UBE2E2: variants seen among roughly 807,000 people sequenced by gnomAD.
UBE2E2 encodes the protein ubiquitin-conjugating enzyme E2 E2.
UBE2E2 carries 6 observed loss-of-function variants against 24.7 expected under a neutral mutation model. The ratio of observed to expected loss-of-function variants is 0.24; its 90% CI spans 0.13 to 0.48. UBE2E2 has a LOEUF of 0.48. Among genes scored for constraint, UBE2E2 ranks in the 20% least tolerant of loss-of-function variants. UBE2E2 has a pLI of 0.99. For synonymous variants in UBE2E2, 104 were observed against 83.6 expected, an observed-to-expected ratio of 1.24 and a Z score of -1.33; for missense variants, 169 against 245.0, an observed-to-expected ratio of 0.69 and a Z score of 2.07.
chr3:23,376,040 A>G (rs1250150368), intron 3 of UBE2E2, among the ~76,000 whole-genome samples: 1 of 152,232 alleles, frequency 6.6e-6, no homozygotes, highest in African/African-American at 2.4e-5. Flanking sequence ...TAATCCAAAC[A>G]ATTTTAAAGT....
chr3:23,455,443 C>T (rs1484276534), intron 3 of UBE2E2, among the ~76,000 whole-genome samples: 1 of 152,286 alleles, frequency 6.6e-6, no homozygotes, highest in East Asian at 1.9e-4. Flanking sequence ...TTGGGCTAAG[C>T]ACAGTGGCTC....
chr3:23,487,375 A>T (rs1699396327), intron 3 of UBE2E2, among the ~76,000 whole-genome samples: 1 of 152,152 alleles, frequency 6.6e-6, no homozygotes, highest in Non-Finnish European at 1.5e-5. Flanking sequence ...TGCGCCTAGA[A>T]GTGCAGGCTC....
chr3:23,286,751 T>G (rs4327332), intron 3 of UBE2E2, among the ~76,000 whole-genome samples: 23,126 of 152,088 alleles, frequency 0.15, 1,927 homozygotes, highest in South Asian at 0.25. Flanking sequence ...AGTATGGACG[T>G]TTTAACAGTA....
intron 5 of UBE2E2, among the ~76,000 whole-genome samples, chr3:23,554,319 T>C (rs1365492334): frequency 1.3e-5 from 2 of 152,076 alleles, no homozygotes; most frequent in African/African-American, 4.8e-5. Context: ...TCTCTTCAAA[T>C]AAATGATTCC....
At chr3:23,548,656 TTTCTC>T (rs751332931) in intron 5 of UBE2E2, among the ~76,000 whole-genome samples, 2 of 152,202 alleles carry the variant, frequency 1.3e-5, no homozygotes, top group South Asian at 2.1e-4. Flanking sequence ...TCTGCTGCTG[TTTCTC>T]TTCTCTTTTC....
chr3:23,451,152 C>T (rs1487156481), intron 3 of UBE2E2, among the ~76,000 whole-genome samples: 3 of 152,182 alleles, frequency 2.0e-5, no homozygotes, highest in East Asian at 1.9e-4. Flanking sequence ...GTATTGGAGG[C>T]TGAGGTGGGA....
chr3:23,449,895 C>G, intron 3 of UBE2E2: 4 of 985,440 alleles, frequency 4.1e-6, no homozygotes, highest in Non-Finnish European at 4.8e-6. Flanking sequence ...CCCACCAGTG[C>G]GGAGGCCCCA....
intron 2 of UBE2E2, among the ~76,000 whole-genome samples, chr3:23,213,286 C>A (rs543585272): frequency 6.6e-6 from 1 of 152,134 alleles, no homozygotes; most frequent in South Asian, 2.1e-4. Flanking sequence ...TTTTTCTGAA[C>A]CCTTAGCCCA....
chr3:23,497,844 G>A (rs1699637657), intron 3 of UBE2E2, among the ~76,000 whole-genome samples: 1 of 152,080 alleles, frequency 6.6e-6, no homozygotes, highest in African/African-American at 2.4e-5. Context: ...GGGGTCAACT[G>A]TATATTCAAC....
At chr3:23,352,763 G>A (rs1575580316) in intron 3 of UBE2E2, among the ~76,000 whole-genome samples, 1 of 152,094 alleles carries the variant, frequency 6.6e-6, no homozygotes, top group Non-Finnish European at 1.5e-5. Context: ...ACCAAAAAGA[G>A]TCCAGGACCA....
At chr3:23,214,995 A>G (rs1378870119) in intron 2 of UBE2E2, among the ~76,000 whole-genome samples, 2 of 152,112 alleles carry the variant, frequency 1.3e-5, no homozygotes, top group Non-Finnish European at 2.9e-5. Flanking sequence ...ATGAGGATTT[A>G]GTTTGCTTAC....
intron 3 of UBE2E2, among the ~76,000 whole-genome samples, chr3:23,226,750 C>A (rs1222708829): frequency 1.9e-4 from 29 of 151,916 alleles, no homozygotes; most frequent in East Asian, 1.9e-4. Flanking sequence ...TTAGGACTTT[C>A]TAGGAAGGGT....
chr3:23,350,647 C>T (rs4858510), intron 3 of UBE2E2, among the ~76,000 whole-genome samples: 82,849 of 151,722 alleles, frequency 0.55, 22,821 homozygotes, highest in Admixed American at 0.66. Flanking sequence ...TGATGGAAGA[C>T]GAAATGAATG....
intron 3 of UBE2E2, among the ~76,000 whole-genome samples, chr3:23,330,655 C>A (rs900304018): frequency 1.3e-5 from 2 of 152,138 alleles, no homozygotes; most frequent in African/African-American, 4.8e-5. Flanking sequence ...TGTCCAGCAG[C>A]TTTATGCATC....
At chr3:23,357,551 TG>T (rs1559360348) in intron 3 of UBE2E2, among the ~76,000 whole-genome samples, 2 of 152,200 alleles carry the variant, frequency 1.3e-5, no homozygotes, top group African/African-American at 4.8e-5. Context: ...TAAAATGGTA[TG>T]TGGAATTATG....
intron 3 of UBE2E2, among the ~76,000 whole-genome samples, chr3:23,497,149 A>G (rs961721018): frequency 1.3e-5 from 2 of 152,216 alleles, no homozygotes; most frequent in African/African-American, 4.8e-5. Flanking sequence ...CCACAACTAC[A>G]GACCTCAATC....
chr3:23,225,872 T>A (rs1343785427), intron 3 of UBE2E2, among the ~76,000 whole-genome samples: 1 of 140,578 alleles, frequency 7.1e-6, no homozygotes, highest in African/African-American at 2.7e-5. Flanking sequence ...TAGAAGAAAG[T>A]GTTTTTTTTT....
chr3:23,509,393 A>G (rs1401252615), intron 4 of UBE2E2, among the ~76,000 whole-genome samples: 2 of 152,106 alleles, frequency 1.3e-5, no homozygotes, highest in Non-Finnish European at 2.9e-5. Context: ...CGTGTGATGA[A>G]AAAAAGTATA....
Position 23,590,525 on chromosome 3 carries a change from T to C in UBE2E2, c.*694T>C, listed in dbSNP as rs1446427953. 6.6e-6 allele frequency: 1 copy of C among 152,660 alleles called. No individual in the cohort carries two copies. Among genetic ancestry groups the C allele is most frequent in the Non-Finnish European group, 1.5e-5 (1 of 68,060 alleles). The allele number at this position is 152,660 out of a possible 1,614,324, so 9.5% of individuals were successfully genotyped here. A position where few individuals can be genotyped will look rare whatever the true frequency, so the allele number is the denominator to read the frequency against. ...CTGCCACTTTTGACTGTGGATCAGT[T>C]GATGTACACTTGTATTATTAAAGCA... On this transcript the variant is annotated 3_prime_UTR_variant, in exon 6 of 6. Coordinates refer to ENST00000396703, the MANE Select transcript of UBE2E2 (RefSeq NM_152653.4).
Sources: gnomAD v4.1 joint callset for allele counts (sites outside exome capture counted in the v4.1 genomes callset) on GRCh38, gnomAD v4.1.1 for gene constraint, MANE v1.5 for transcripts, NCBI Gene and HGNC (gene_info 2026-07-23, HGNC 2026-07-21) for gene names.